The following PPP1R42 variants were observed in gnomAD, a reference collection of about 807,000 sequenced individuals.
The protein encoded by PPP1R42 is leucine rich repeat containing 67.
In PPP1R42, 34 loss-of-function variants were observed where a neutral mutation model predicts 31.0. That is an observed-to-expected ratio of 1.10 (90% CI 0.83 to 1.46). The LOEUF (loss-of-function observed/expected upper bound fraction) is 1.46. PPP1R42 is among the 40% of genes most tolerant of loss of function. PPP1R42 has a pLI of 0.00. For synonymous variants in PPP1R42, 103 were observed against 109.8 expected, an observed-to-expected ratio of 0.94 and a Z score of 0.39; for missense variants, 268 against 303.0, an observed-to-expected ratio of 0.88 and a Z score of 0.86.
chr8:67,024,464 G>A (rs1169890163), intron 1 of PPP1R42, among the ~76,000 whole-genome samples: 1 of 149,734 alleles, frequency 6.7e-6, no homozygotes, highest in African/African-American at 2.5e-5. Context: ...ACAGGCTCAT[G>A]CCACCATGCC....
chr8:67,009,975 T>C (rs56030543), intron 5 of PPP1R42, among the ~76,000 whole-genome samples: 1,838 of 152,320 alleles, frequency 0.012, 33 homozygotes, highest in African/African-American at 0.041. Context: ...CTCATTCCGT[T>C]GCCAAACCAG....
intron 7 of PPP1R42, among the ~76,000 whole-genome samples, chr8:66,978,664 C>G (rs1443703283): frequency 6.6e-6 from 1 of 152,152 alleles, no homozygotes; most frequent in African/African-American, 2.4e-5. Context: ...GTGATCCACC[C>G]ACCTCAGCTT....
intron 5 of PPP1R42, among the ~76,000 whole-genome samples, chr8:67,000,820 G>T (rs1815461646): frequency 6.6e-6 from 1 of 152,182 alleles, no homozygotes; most frequent in African/African-American, 2.4e-5. Flanking sequence ...GATCAAGTTG[G>T]TTGGTTATGT....
At chr8:66,974,156 C>A (rs529730373) in intron 7 of PPP1R42, among the ~76,000 whole-genome samples, 1 of 152,142 alleles carries the variant, frequency 6.6e-6, no homozygotes, top group Non-Finnish European at 1.5e-5. Context: ...TTTTGAGGAA[C>A]GTTCATACTG....
chr8:66,990,167 C>T (rs915622128), intron 5 of PPP1R42, among the ~76,000 whole-genome samples: 2 of 152,080 alleles, frequency 1.3e-5, no homozygotes, highest in South Asian at 2.1e-4. Context: ...TCTTATTTTA[C>T]GTTGAGAGTT....
At chr8:67,015,787 A>C (rs980895666) in intron 2 of PPP1R42, among the ~76,000 whole-genome samples, 17 of 152,144 alleles carry the variant, frequency 1.1e-4, no homozygotes, top group African/African-American at 4.1e-4. Flanking sequence ...TTCTTGTGTC[A>C]TGGCAGAGAT....
At chr8:66,986,517 C>T (rs1435665318) in intron 6 of PPP1R42, among the ~76,000 whole-genome samples, 1 of 152,192 alleles carries the variant, frequency 6.6e-6, no homozygotes, top group African/African-American at 2.4e-5. Flanking sequence ...TCTCCCAACA[C>T]GTGACCAGAG....
chr8:66,992,188 C>T (rs181680688), intron 5 of PPP1R42, among the ~76,000 whole-genome samples: 23 of 152,290 alleles, frequency 1.5e-4, no homozygotes, highest in Non-Finnish European at 1.9e-4. Context: ...GAATCTCTGA[C>T]TCCACAAGTA....
intron 5 of PPP1R42, among the ~76,000 whole-genome samples, chr8:66,994,491 C>A (rs1287875668): frequency 6.6e-6 from 1 of 152,118 alleles, no homozygotes; most frequent in East Asian, 1.9e-4. Context: ...TTGAAAGATT[C>A]AAAGTTGTTT....
intron 7 of PPP1R42, among the ~76,000 whole-genome samples, chr8:66,980,086 G>A (rs1814783824): frequency 6.6e-6 from 1 of 152,102 alleles, no homozygotes; most frequent in Non-Finnish European, 1.5e-5. Context: ...AGCCAGGAAT[G>A]AACAGAGGAA....
intron 7 of PPP1R42, among the ~76,000 whole-genome samples, chr8:66,967,536 C>G (rs971768724): frequency 1.3e-5 from 2 of 152,166 alleles, no homozygotes; most frequent in African/African-American, 4.8e-5. Flanking sequence ...CTTCCCTAAG[C>G]ACATAGATCT....
At chr8:67,020,063 A>G (rs1816164013) in intron 1 of PPP1R42, among the ~76,000 whole-genome samples, 1 of 152,192 alleles carries the variant, frequency 6.6e-6, no homozygotes, top group African/African-American at 2.4e-5. Context: ...ATGGTGTGAA[A>G]ACCTTAAGTA....
At position 66,987,177 on chromosome 8, in the gene PPP1R42, C is replaced by A. The variant is rs140412216; in HGVS notation, c.670+1223G>T. Among the ~76,000 whole-genome samples the A allele has an allele frequency of 1.5e-3, 221 of 151,574 alleles. 1 individual carries two copies. Among genetic ancestry groups the A allele is most frequent in the African/African-American group, 5.2e-3 (216 of 41,298 alleles). ...AAGATAAGGAATGAAAATTCCAAGT[C>A]TTTTATTGTAATCTCTTCTTCCTCA... On this transcript the variant is annotated intron_variant, in intron 6 of 7. Coordinates refer to ENST00000685739, the MANE Select transcript of PPP1R42 (RefSeq NM_001364910.1).
At chr8:66,983,555 T>C (rs549754210) in intron 6 of PPP1R42, among the ~76,000 whole-genome samples, 2 of 152,284 alleles carry the variant, frequency 1.3e-5, no homozygotes, top group African/African-American at 4.8e-5. Context: ...AGATAGTTTC[T>C]CTCATTATCC....
At chr8:66,999,839 G>A (rs551524004) in intron 5 of PPP1R42, among the ~76,000 whole-genome samples, 4 of 152,202 alleles carry the variant, frequency 2.6e-5, no homozygotes, top group Non-Finnish European at 5.9e-5. Context: ...GTCAGTTTTG[G>A]TATTTATGTC....
chr8:66,984,258 GC>G, intron 6 of PPP1R42: 1 of 1,468,058 alleles, frequency 6.8e-7, no homozygotes, highest in Non-Finnish European at 9.5e-7. Context: ...TCTCTCCAAA[GC>G]TCCGGTCTTT....
intron 1 of PPP1R42, chr8:67,027,003 C>A (rs903106640): frequency 6.6e-6 from 1 of 150,380 alleles, no homozygotes; most frequent in African/African-American, 2.5e-5. Flanking sequence ...TGGGTTCAAG[C>A]GATTCTTCTG....
In PPP1R42 at chr8:67,020,368, T is replaced by A. The variant is rs1485207434; in HGVS notation, c.-84-2537A>T. On this transcript the variant is annotated intron_variant, in intron 1 of 7. Transcript: ENST00000685739. ...GGCGCCTGCCACCATGCCCGGCTAA[T>A]TTTTGTATTTTTAGTAGAGACGGGG... Among the ~76,000 whole-genome samples the A allele has an allele frequency of 3.3e-5, 5 of 152,042 alleles. No homozygotes were observed. In the East Asian group the frequency reaches 9.7e-4, roughly 29 times the overall value.
At chr8:66,968,668 G>T (rs1242631983) in intron 7 of PPP1R42, 2 of 166,052 alleles carry the variant, frequency 1.2e-5, no homozygotes, top group Non-Finnish European at 2.5e-5. Context: ...ATGTTAAATT[G>T]CTAAAATTAG....
Sources: allele counts gnomAD v4.1 joint callset (sites outside exome capture counted in the v4.1 genomes callset), GRCh38; gene constraint gnomAD v4.1.1; transcripts MANE v1.5; gene names NCBI Gene and HGNC (gene_info 2026-07-23, HGNC 2026-07-21).